Variants in SPTBN1 observed in about 807,000 individuals in gnomAD.
SPTBN1 encodes spectrin beta, non-erythrocytic 1, also known as spectrin beta chain, non-erythrocytic 1.
Under a neutral mutation model 266.4 loss-of-function variants are expected in SPTBN1, and 32 were observed. That is an observed-to-expected ratio of 0.12 (90% confidence interval 0.09 to 0.16). The LOEUF is 0.16. Ranked by LOEUF, SPTBN1 falls within the 10% of genes least tolerant of loss-of-function variation. The pLI, the probability that SPTBN1 is intolerant of heterozygous loss-of-function variation, is 1.00. For missense variants in SPTBN1, 2,296 were observed against 3,067.1 expected (o/e 0.75, Z 5.94); for synonymous variants, 1,336 against 1,162.2 (o/e 1.15, Z -3.04).
In SPTBN1 at chr2:54,670,298, G is replaced by T; in HGVS notation, c.*1729G>T. On this transcript the variant is annotated 3_prime_UTR_variant, in exon 36 of 36. Transcript: ENST00000356805. ...ATAGAGTCGTGGGTTATTTACAAGT[G>T]ACATACTTTTCCTGGGTTATCTGGG... 6.2e-6 allele frequency: 1 copy of T among 160,222 alleles called. No individual in the cohort carries two copies. The highest frequency in any genetic ancestry group is 1.4e-5 in the Non-Finnish European group (1 of 73,658). The allele number at this position is 160,222 out of a possible 1,614,324, so 9.9% of individuals were successfully genotyped here.
At chr2:54,523,245 C>G (rs1003497322) in intron 1 of SPTBN1, among the ~76,000 whole-genome samples, 1 of 152,134 alleles carries the variant, frequency 6.6e-6, no homozygotes, top group African/African-American at 2.4e-5. Flanking sequence ...TATGAAATCC[C>G]ATAAATAAAT....
chr2:54,494,632 A>G (rs1558777452), intron 1 of SPTBN1, among the ~76,000 whole-genome samples: 1 of 152,192 alleles, frequency 6.6e-6, no homozygotes, highest in Admixed American at 6.5e-5. Flanking sequence ...CAGCCAGACA[A>G]AAAAAGAGTT....
At chr2:54,600,763 T>C (rs1203391015) in intron 3 of SPTBN1, among the ~76,000 whole-genome samples, 1 of 149,846 alleles carries the variant, frequency 6.7e-6, no homozygotes, top group Non-Finnish European at 1.5e-5. Context: ...TGAAAGTAGC[T>C]AAAAAAAATC....
intron 2 of SPTBN1, among the ~76,000 whole-genome samples, chr2:54,589,228 T>C (rs1329236320): frequency 2.0e-5 from 3 of 152,178 alleles, no homozygotes; most frequent in Non-Finnish European, 4.4e-5. Flanking sequence ...TAACCTCAGC[T>C]CCCTCCAGAG....
chr2:54,458,323 G>T (rs1469495634), intron 1 of SPTBN1, among the ~76,000 whole-genome samples: 2 of 152,152 alleles, frequency 1.3e-5, no homozygotes, highest in Non-Finnish European at 2.9e-5. Context: ...GATAGTAAAT[G>T]ATTCCTTTAG....
At chr2:54,618,010 C>T in intron 6 of SPTBN1, 68 bp from the exon 7 acceptor site, 2 of 1,255,498 alleles carry the variant, frequency 1.6e-6, no homozygotes, top group South Asian at 1.3e-5. Flanking sequence ...GAGTAACAGT[C>T]ATGTTTCATT....
chr2:54,658,090 C>T (rs940769865), intron 30 of SPTBN1, 44 bp downstream of exon 30: 2 of 1,607,452 alleles, frequency 1.2e-6, no homozygotes, highest in Non-Finnish European at 1.7e-6. Flanking sequence ...CCCTGGGCAG[C>T]CTTTTCTTCC....
Position 54,659,318 on chromosome 2 carries a change from G to A in SPTBN1, c.6356+52G>A, listed in dbSNP as rs767800462. The stretch of plus-strand genomic sequence containing the variant: ...GACCCTTAGCCTCGGTGGCCAATGA[G>A]GTTTATGGGGCATCTTTCTGAAGCC... On this transcript the variant is annotated intron_variant, in intron 31 of 35. Transcript: ENST00000356805. The A allele has an allele frequency of 5.1e-6, 8 of 1,558,182 alleles. No individual in the cohort carries two copies. The African/African-American group carries it at 1.1e-4, about 21-fold the overall frequency.
intron 2 of SPTBN1, among the ~76,000 whole-genome samples, chr2:54,562,480 A>G (rs1024771283): frequency 1.3e-5 from 2 of 151,552 alleles, no homozygotes; most frequent in African/African-American, 4.9e-5. Context: ...TTTTGCCTCA[A>G]ATGCCTACTC....
intron 1 of SPTBN1, among the ~76,000 whole-genome samples, chr2:54,512,487 A>G (rs1349276785): frequency 1.3e-5 from 2 of 152,200 alleles, no homozygotes; most frequent in Non-Finnish European, 2.9e-5. Flanking sequence ...TTGCCATGAC[A>G]GTGTAGGACC....
At chr2:54,506,574 G>A (rs559687106) in intron 1 of SPTBN1, among the ~76,000 whole-genome samples, 28 of 151,626 alleles carry the variant, frequency 1.8e-4, no homozygotes, top group Non-Finnish European at 3.1e-4. Flanking sequence ...AATACTCTTC[G>A]AAGCTGAGAA....
chr2:54,593,115 C>T (rs1304934145), intron 2 of SPTBN1, among the ~76,000 whole-genome samples: 1 of 152,186 alleles, frequency 6.6e-6, no homozygotes, highest in Non-Finnish European at 1.5e-5. Context: ...GATGTAAATG[C>T]CACTCACTTG....
chr2:54,509,428 T>C (rs1032907443), intron 1 of SPTBN1, among the ~76,000 whole-genome samples: 1 of 152,174 alleles, frequency 6.6e-6, no homozygotes, highest in East Asian at 1.9e-4. Flanking sequence ...ATGAGAACTA[T>C]AGAGAGTGAG....
rs373251033 is a variant in SPTBN1 at position 54,629,251 on chromosome 2, C to T, written c.2117C>T (p.Ala706Val). ...ATCAAGGAAGGCGAAGACATGATCGCGGAGGAGCACTTCGGGTCGGAGAAG... is the reference window on the plus strand; with the variant it reads ...ATCAAGGAAGGCGAAGACATGATCGTGGAGGAGCACTTCGGGTCGGAGAAG... ...QAIKEGEDMI[A>V]EEHFGSEKIR... Residue 706 changes from alanine (A) to valine (V), a missense_variant, in exon 14 of 36, where the codon GCG becomes GTG. Around this residue, in one of 12 missense-constraint regions of SPTBN1, gnomAD observed 434 missense variants for 573.9 expected, o/e 0.76. Coordinates refer to ENST00000356805, the MANE Select transcript of SPTBN1 (RefSeq NM_003128.3). The T allele has an allele frequency of 4.2e-5, 68 of 1,613,858 alleles. No homozygotes were observed. The highest frequency in any genetic ancestry group is 5.5e-5 in the South Asian group (5 of 91,086).
intron 1 of SPTBN1, among the ~76,000 whole-genome samples, chr2:54,522,395 C>T (rs976899935): frequency 1.3e-5 from 2 of 151,902 alleles, no homozygotes; most frequent in African/African-American, 4.8e-5. Context: ...CTTTGTGAGG[C>T]CAAAGCAAGC....
chr2:54,619,936 G>A (rs1677883574), intron 7 of SPTBN1, among the ~76,000 whole-genome samples: 1 of 152,202 alleles, frequency 6.6e-6, no homozygotes. Context: ...CAGGGGCGGC[G>A]ATAGGAATGG....
rs1243081611 is a variant in SPTBN1 at position 54,575,920 on chromosome 2, C to T, written c.149-23172C>T. On this transcript the variant is annotated intron_variant, in intron 2 of 35. Transcript: ENST00000356805. ...CTGAGACAGGAATTAACCTGTAGTA[C>T]GAGAAACATGGTTGGATGAGTGGTT... Among the ~76,000 whole-genome samples, 4 of 152,084 alleles carry T rather than the reference C, an allele frequency of 2.6e-5. No individual in the cohort carries two copies. In the East Asian group the frequency reaches 5.8e-4, roughly 22 times the overall value.
chr2:54,475,135 G>A (rs1480795179), intron 1 of SPTBN1, among the ~76,000 whole-genome samples: 1 of 152,220 alleles, frequency 6.6e-6, no homozygotes, highest in African/African-American at 2.4e-5. Context: ...GAGCCCGGGA[G>A]GCAGAGGTTG....
At position 54,517,951 on chromosome 2, in the gene SPTBN1, T is replaced by G. The variant is rs924362510; in HGVS notation, c.-47-8421T>G. Among the ~76,000 whole-genome samples the G allele has an allele frequency of 2.3e-3, 345 of 152,142 alleles. 1 individual carries two copies. The highest frequency in any genetic ancestry group is 7.8e-3 in the African/African-American group (324 of 41,522). ...GAGCCACTGTGCCTGGTATTGTTTT[T>G]TTTTTTTTTTAAACAGTGGATATGT... On this transcript the variant is annotated intron_variant, in intron 1 of 35. Transcript: ENST00000356805.
Sources: allele counts gnomAD v4.1 joint callset (sites outside exome capture counted in the v4.1 genomes callset), GRCh38; gene constraint gnomAD v4.1.1; regional missense constraint gnomAD v4.1.1; transcripts MANE v1.5; gene names NCBI Gene and HGNC (gene_info 2026-07-23, HGNC 2026-07-21).